The following FHL5 variants were observed in gnomAD, a reference collection of about 807,000 sequenced individuals.
FHL5 encodes four and a half LIM domains 5, also known as four and a half LIM domains protein 5.
Under a neutral mutation model 32.0 loss-of-function variants are expected in FHL5, and 33 were observed. That is an observed-to-expected ratio of 1.03 (90% CI 0.78 to 1.38). FHL5 has a LOEUF of 1.38. Among genes scored for constraint, FHL5 ranks in the 40% most tolerant of loss-of-function variants. FHL5 has a pLI of 0.00. For synonymous variants in FHL5, 114 were observed against 113.6 expected (o/e 1.00, Z -0.02); for missense variants, 336 against 343.9 (o/e 0.98, Z 0.18).
chr6:96,583,466 C>T (rs555438452), intron 1 of FHL5, among the ~76,000 whole-genome samples: 58 of 152,232 alleles, frequency 3.8e-4, no homozygotes, highest in African/African-American at 1.4e-3. Context: ...TCATAGATAT[C>T]AATGGACAAT....
chr6:96,581,616 C>A (rs552247130), intron 1 of FHL5, among the ~76,000 whole-genome samples: 2 of 152,186 alleles, frequency 1.3e-5, no homozygotes, highest in South Asian at 4.2e-4. Context: ...CCATTTCATG[C>A]AACAGGAAGA....
intron 1 of FHL5, among the ~76,000 whole-genome samples, chr6:96,594,227 TTATATATATATATATATA>T (rs1178680000): frequency 0.032 from 2,169 of 66,904 alleles, 65 homozygotes; most frequent in African/African-American, 0.043. Context: ...ATATTAGAAT[TTATATATATATATATATA>T]TATATATATA....
intron 1 of FHL5, among the ~76,000 whole-genome samples, chr6:96,593,149 T>C (rs1333055096): frequency 3.3e-5 from 5 of 152,274 alleles, no homozygotes; most frequent in African/African-American, 1.2e-4. Context: ...ATTTAAATCA[T>C]TGTATATTTC....
intron 1 of FHL5, among the ~76,000 whole-genome samples, chr6:96,584,222 A>C (rs1770750104): frequency 6.6e-6 from 1 of 152,172 alleles, no homozygotes; most frequent in African/African-American, 2.4e-5. Flanking sequence ...CTCTGCCCTG[A>C]AATATATGAA....
intron 1 of FHL5, among the ~76,000 whole-genome samples, chr6:96,591,802 A>G (rs1770924011): frequency 6.6e-6 from 1 of 152,114 alleles, no homozygotes; most frequent in Non-Finnish European, 1.5e-5. Context: ...TTGAGAAATA[A>G]AGGGACAGAG....
intron 4 of FHL5, 40 bp from the exon 5 acceptor site, chr6:96,610,532 T>C (rs539961168): frequency 9.1e-5 from 133 of 1,462,446 alleles, no homozygotes; most frequent in South Asian, 2.2e-4. Context: ...TGAATTGTAA[T>C]GGCTCCCATG....
rs1582486627 is a variant in FHL5, at chr6:96,617,527, T to G, written c.*1755T>G. On this transcript the variant is annotated 3_prime_UTR_variant, in exon 6 of 6. Transcript: ENST00000450218. The stretch of plus-strand genomic sequence containing the variant: ...TTGGATTAACAATGCCAAGGTATTT[T>G]TTCATATTCACATTGAAAAATACAG... Among the ~76,000 whole-genome samples the G allele has an allele frequency of 1.3e-5, 2 of 152,256 alleles. No homozygotes were observed. Among genetic ancestry groups the G allele is most frequent in the South Asian group, 4.1e-4 (2 of 4,836 alleles).
intron 1 of FHL5, among the ~76,000 whole-genome samples, chr6:96,585,070 A>G (rs1770771634): frequency 6.6e-6 from 1 of 152,178 alleles, no homozygotes; most frequent in South Asian, 2.1e-4. Flanking sequence ...TTTGCCCTTA[A>G]GAGCAATGAT....
chr6:96,594,233 A>G (rs1399107108), intron 1 of FHL5, among the ~76,000 whole-genome samples: 1 of 27,018 alleles, frequency 3.7e-5, no homozygotes, highest in Non-Finnish European at 1.1e-4. Context: ...GAATTTATAT[A>G]TATATATATA....
rs1771232729 is a variant in FHL5 at position 96,604,738 on chromosome 6, A to G, written c.160-12A>G. On this transcript the variant is annotated splice_polypyrimidine_tract_variant and intron_variant, in intron 2 of 5. Coordinates refer to ENST00000450218, the MANE Select transcript of FHL5 (RefSeq NM_001322466.2). ...AACCACATTTAATTAACTTTTATTT[A>G]CTGTCTCAAAGGATCTTTGTTACAA... 2.5e-6 allele frequency: 4 copies of G among 1,593,304 alleles called. No individual in the cohort carries two copies. The highest frequency in any genetic ancestry group is 3.4e-6 in the Non-Finnish European group (4 of 1,170,350).
At chr6:96,594,250 TA>T (rs1562059635) in intron 1 of FHL5, among the ~76,000 whole-genome samples, 25 of 131,872 alleles carry the variant, frequency 1.9e-4, no homozygotes, top group African/African-American at 4.2e-4. Context: ...TATATATATA[TA>T]TATATATATA....
In FHL5 at chr6:96,572,213, C is replaced by T. The variant is rs115245833; in HGVS notation, c.-13+8858C>T. Among the ~76,000 whole-genome samples the T allele has an allele frequency of 3.3e-3, 508 of 152,216 alleles. 1 individual carries two copies. The highest frequency in any genetic ancestry group is 0.012 in the African/African-American group (480 of 41,526). On this transcript the variant is annotated intron_variant, in intron 1 of 5. Transcript: ENST00000450218. ...GCACAAGCACTGTTTTCTTGGGATG[C>T]GGGGCATCAGTTCAGCTTAAGTAAT...
intron 2 of FHL5, 113 bp from the exon 3 acceptor site, chr6:96,604,637 G>A (rs546285864): frequency 3.4e-5 from 23 of 678,732 alleles, no homozygotes; most frequent in Non-Finnish European, 4.8e-5. Flanking sequence ...TTTCCCTCAC[G>A]CTACTAGCAC....
At chr6:96,606,298 CA>C (rs1163521057) in intron 4 of FHL5, among the ~76,000 whole-genome samples, 2 of 151,688 alleles carry the variant, frequency 1.3e-5, no homozygotes, top group Non-Finnish European at 2.9e-5. Flanking sequence ...TTTAATATTC[CA>C]AACAGCTCAA....
Position 96,563,255 on chromosome 6 carries a change from C to A in FHL5, c.-113C>A, listed in dbSNP as rs533958695. On this transcript the variant is annotated 5_prime_UTR_variant, in exon 1 of 6. Coordinates refer to ENST00000450218, the MANE Select transcript of FHL5 (RefSeq NM_001322466.2). The stretch of plus-strand genomic sequence containing the variant: ...CAGATGGTGCTGGTGACTTTCTGTT[C>A]CTTTTGGAGTTGACATGCATGTGGA... 1 of 152,230 alleles carries A rather than the reference C, an allele frequency of 6.6e-6. No homozygotes were observed. The highest frequency in any genetic ancestry group is 2.4e-5 in the African/African-American group (1 of 41,542). 9.4% of individuals were successfully genotyped at this position (152,230 alleles called of 1,614,324 possible). A position where few individuals can be genotyped will look rare whatever the true frequency, so the allele number is the denominator to read the frequency against.
At chr6:96,578,752 G>C (rs1469076643) in intron 1 of FHL5, among the ~76,000 whole-genome samples, 1 of 152,108 alleles carries the variant, frequency 6.6e-6, no homozygotes, top group Non-Finnish European at 1.5e-5. Flanking sequence ...TGAGACACAA[G>C]AATCGCTTGA....
intron 5 of FHL5, among the ~76,000 whole-genome samples, chr6:96,611,152 A>C (rs2127975417): frequency 6.6e-6 from 1 of 152,372 alleles, no homozygotes; most frequent in East Asian, 1.9e-4. Context: ...ATTCTAAAAT[A>C]GGACCAAGCA....
intron 1 of FHL5, among the ~76,000 whole-genome samples, chr6:96,575,512 G>A (rs1188571226): frequency 6.6e-6 from 1 of 152,206 alleles, no homozygotes; most frequent in Non-Finnish European, 1.5e-5. Context: ...GGACTGAGCA[G>A]TTGGAGTGAA....
intron 1 of FHL5, among the ~76,000 whole-genome samples, chr6:96,580,657 C>T (rs1448930421): frequency 1.3e-5 from 2 of 152,126 alleles, no homozygotes; most frequent in Non-Finnish European, 2.9e-5. Flanking sequence ...CTATAATACA[C>T]ATTAATGCCA....
Sources: gnomAD v4.1 joint callset for allele counts (sites outside exome capture counted in the v4.1 genomes callset) on GRCh38, gnomAD v4.1.1 for gene constraint, MANE v1.5 for transcripts, NCBI Gene and HGNC (gene_info 2026-07-23, HGNC 2026-07-21) for gene names.